The following ANXA4 variants were observed in gnomAD, a reference collection of about 807,000 sequenced individuals.
ANXA4 encodes the protein 35-beta calcimedin.
Under a neutral mutation model 49.8 loss-of-function variants are expected in ANXA4, and 39 were observed. The ratio of observed to expected loss-of-function variants is 0.78; its 90% CI spans 0.61 to 1.02. The LOEUF is 1.02. Among genes scored for constraint, ANXA4 ranks in the 50% least tolerant of loss-of-function variants. The pLI is 0.00. For synonymous variants in ANXA4, 134 were observed against 152.5 expected (o/e 0.88, Z 0.89); for missense variants, 360 against 410.1 (o/e 0.88, Z 1.05).
Position 69,807,951 on chromosome 2 carries a change from C to A in ANXA4, c.352C>A (p.Arg118=), listed in dbSNP as rs757621829. 3.7e-6 allele frequency: 6 copies of A among 1,614,006 alleles called. No individual in the cohort carries two copies. The highest frequency in any genetic ancestry group is 1.7e-5 in the Admixed American group (1 of 60,002). ...CTGCCTAATTGAGATCCTGGCCTCC[C>A]GGACCCCTGAGGAGATCCGGCGCAT... ...EGCLIEILAS[R]TPEEIRRISQ... Residue 118 remains arginine, a synonymous_variant, in exon 6 of 13, where the codon CGG becomes AGG. Transcript: ENST00000394295.
chr2:69,749,810 A>G (rs1670764024), intron 1 of ANXA4, among the ~76,000 whole-genome samples: 1 of 151,876 alleles, frequency 6.6e-6, no homozygotes, highest in Non-Finnish European at 1.5e-5. Flanking sequence ...ACATAATCCC[A>G]GCTTCTAGGG....
At chr2:69,722,199 A>C in intron 3 of ANXA4, among the ~76,000 whole-genome samples, 1 of 152,226 alleles carries the variant, frequency 6.6e-6, no homozygotes, top group Non-Finnish European at 1.5e-5. Flanking sequence ...GGATGTAAAA[A>C]TGAATGAGAC....
At chr2:69,678,186 AC>A (rs1433246050) in intron 2 of ANXA4, among the ~76,000 whole-genome samples, 2 of 152,106 alleles carry the variant, frequency 1.3e-5, no homozygotes, top group African/African-American at 4.8e-5. Context: ...TAGGCCATTT[AC>A]AATTTTTGTT....
At chr2:69,757,153 T>A (rs1366977721) in intron 1 of ANXA4, among the ~76,000 whole-genome samples, 1 of 147,898 alleles carries the variant, frequency 6.8e-6, no homozygotes, top group Non-Finnish European at 1.5e-5. Context: ...AATCTTGAAC[T>A]CCTAACCTCA....
chr2:69,722,497 A>C (rs1270338714), intron 3 of ANXA4, among the ~76,000 whole-genome samples: 1 of 152,212 alleles, frequency 6.6e-6, no homozygotes, highest in East Asian at 1.9e-4. Context: ...ACATTACATT[A>C]AGTGAAATAA....
intron 2 of ANXA4, among the ~76,000 whole-genome samples, chr2:69,704,582 CTGTG>C (rs903170809): frequency 2.0e-5 from 3 of 152,304 alleles, no homozygotes; most frequent in East Asian, 3.9e-4. Context: ...GATGAAGAGT[CTGTG>C]TGTTTCTCAT....
At chr2:69,708,412 A>G (rs1038018207) in intron 2 of ANXA4, among the ~76,000 whole-genome samples, 6 of 152,220 alleles carry the variant, frequency 3.9e-5, no homozygotes, top group East Asian at 1.9e-4. Context: ...AAGGCTGTCC[A>G]TGGCGAAACC....
chr2:69,820,721 C>A lies in ANXA4; in HGVS notation c.806C>A (p.Thr269Asn), dbSNP rs747416018. The change falls in exon 12 of 13, where the codon ACC (threonine) becomes AAC (asparagine). Residue 269 changes from threonine (T) to asparagine (N), a missense_variant. Thr to Asn is a moderately conservative substitution (Grantham distance 65). Transcript: ENST00000394295. ...SMKGLGTDDN[T>N]LIRVMVSRAE... The stretch of plus-strand genomic sequence containing the variant: ...TAGGGCTTGGGCACCGATGATAACA[C>A]CCTCATCAGAGTGATGGTTTCTCGA... The A allele has an allele frequency of 6.2e-7, 1 of 1,614,070 alleles. No homozygotes were observed. Among genetic ancestry groups the A allele is most frequent in the East Asian group, 2.2e-5 (1 of 44,882 alleles).
At chr2:69,708,637 C>G (rs1418335797) in intron 2 of ANXA4, among the ~76,000 whole-genome samples, 1 of 152,064 alleles carries the variant, frequency 6.6e-6, no homozygotes. Context: ...TCCTGCAGGA[C>G]CAGCAGGTCC....
At chr2:69,650,817 G>A (rs1676205777) in intron 1 of ANXA4, among the ~76,000 whole-genome samples, 1 of 152,204 alleles carries the variant, frequency 6.6e-6, no homozygotes, top group Non-Finnish European at 1.5e-5. Flanking sequence ...CCAGCACTGA[G>A]TTTGTGCAGT....
At chr2:69,692,090 G>A (rs1677995247) in intron 2 of ANXA4, among the ~76,000 whole-genome samples, 1 of 152,064 alleles carries the variant, frequency 6.6e-6, no homozygotes, top group African/African-American at 2.4e-5. Flanking sequence ...TCACCATGTT[G>A]TCCAGGCTGG....
intron 1 of ANXA4, among the ~76,000 whole-genome samples, chr2:69,764,157 C>T (rs757514836): frequency 3.3e-5 from 5 of 152,164 alleles, no homozygotes; most frequent in Non-Finnish European, 7.3e-5. Flanking sequence ...CAGACAAGAA[C>T]TGGAGATCAA....
chr2:69,718,673 G>T (rs1002769788), intron 2 of ANXA4, among the ~76,000 whole-genome samples: 1 of 152,006 alleles, frequency 6.6e-6, no homozygotes, highest in African/African-American at 2.4e-5. Flanking sequence ...ACACAAACAT[G>T]TACACACGTA....
intron 2 of ANXA4, among the ~76,000 whole-genome samples, chr2:69,785,759 TG>T (rs550618049): frequency 1.2e-4 from 19 of 152,166 alleles, no homozygotes; most frequent in Non-Finnish European, 2.4e-4. Flanking sequence ...CCAGTGCTTA[TG>T]CTCCTTCCCA....
At chr2:69,729,235 A>G (rs1361541796) in intron 3 of ANXA4, among the ~76,000 whole-genome samples, 1 of 151,980 alleles carries the variant, frequency 6.6e-6, no homozygotes, top group African/African-American at 2.4e-5. Flanking sequence ...TCTGGTCTCT[A>G]TCTTCTCACC....
intron 9 of ANXA4, 69 bp from the exon 10 acceptor site, chr2:69,818,530 A>T: frequency 1.0e-6 from 1 of 1,000,212 alleles, no homozygotes; most frequent in Non-Finnish European, 1.5e-6. Flanking sequence ...AAAAATGCTC[A>T]TTCTCTCCAT....
chr2:69,804,681 A>C (rs970110147), intron 4 of ANXA4, 54 bp downstream of exon 4: 3 of 1,432,606 alleles, frequency 2.1e-6, no homozygotes, highest in Non-Finnish European at 1.9e-6. Context: ...AACAGGAAGC[A>C]GGGCCTCTTC....
At chr2:69,698,399 C>T (rs1678224661) in intron 2 of ANXA4, among the ~76,000 whole-genome samples, 1 of 152,290 alleles carries the variant, frequency 6.6e-6, no homozygotes, top group Non-Finnish European at 1.5e-5. Context: ...AAAAAACTGC[C>T]CTTCAACTCC....
At chr2:69,815,441 A>T (rs1474179256) in intron 8 of ANXA4, 1 of 152,266 alleles carries the variant, frequency 6.6e-6, no homozygotes, top group Non-Finnish European at 1.5e-5. Flanking sequence ...GAAATGTAAC[A>T]GGCAAGCTGC....
Sources: allele counts gnomAD v4.1 joint callset (sites outside exome capture counted in the v4.1 genomes callset), GRCh38; gene constraint gnomAD v4.1.1; transcripts MANE v1.5; gene names NCBI Gene and HGNC (gene_info 2026-07-23, HGNC 2026-07-21).